Variants in DROSHA observed in about 807,000 individuals in gnomAD.
DROSHA encodes ribonuclease 3.
Under a neutral mutation model 181.9 loss-of-function variants are expected in DROSHA, and 56 were observed. The ratio of observed to expected loss-of-function variants is 0.31; its 90% CI spans 0.25 to 0.38. The LOEUF is 0.38. Ranked by LOEUF, DROSHA falls within the 10% of genes least tolerant of loss-of-function variation. The pLI is 1.00. For synonymous variants in DROSHA, 524 were observed against 591.2 expected, an observed-to-expected ratio of 0.89 and a Z score of 1.65; for missense variants, 1,218 against 1,743.5, an observed-to-expected ratio of 0.70 and a Z score of 5.37.
At chr5:31,509,545 A>G (rs1738415007) in intron 9 of DROSHA, among the ~76,000 whole-genome samples, 1 of 152,210 alleles carries the variant, frequency 6.6e-6, no homozygotes, top group Admixed American at 6.5e-5. Context: ...AAGAGGGAGC[A>G]TCGTAGGCAA....
At chr5:31,485,519 T>A (rs865961271) in intron 14 of DROSHA, among the ~76,000 whole-genome samples, 7 of 152,098 alleles carry the variant, frequency 4.6e-5, no homozygotes, top group Middle Eastern at 3.4e-3. Flanking sequence ...TCATAATTCT[T>A]CCTCCTACTT....
At chr5:31,505,480 A>G (rs1443646123) in intron 10 of DROSHA, among the ~76,000 whole-genome samples, 1 of 152,206 alleles carries the variant, frequency 6.6e-6, no homozygotes, top group Non-Finnish European at 1.5e-5. Flanking sequence ...CTGGGCCACA[A>G]GACCCGTCTA....
At chr5:31,415,910 G>C (rs1441697707) in intron 30 of DROSHA, among the ~76,000 whole-genome samples, 1 of 152,142 alleles carries the variant, frequency 6.6e-6, no homozygotes. Flanking sequence ...AAAAACTTCA[G>C]CATATGAAAC....
At chr5:31,481,285 T>TAAAAAC (rs1263142921) in intron 16 of DROSHA, among the ~76,000 whole-genome samples, 7 of 152,216 alleles carry the variant, frequency 4.6e-5, no homozygotes, top group Admixed American at 4.6e-4. Flanking sequence ...AAACCCTGTT[T>TAAAAAC]AAAAACAAAT....
intron 26 of DROSHA, 74 bp downstream of exon 26, chr5:31,431,502 C>T: frequency 6.7e-7 from 1 of 1,486,046 alleles, no homozygotes; most frequent in South Asian, 1.2e-5. Flanking sequence ...CAAGTTTCCA[C>T]ACTAAATTTT....
chr5:31,516,662 A>G (rs1739306682), intron 6 of DROSHA, among the ~76,000 whole-genome samples: 1 of 152,222 alleles, frequency 6.6e-6, no homozygotes, highest in African/African-American at 2.4e-5. Flanking sequence ...GCACAAACAT[A>G]AAAACCACAC....
intron 15 of DROSHA, among the ~76,000 whole-genome samples, chr5:31,484,005 A>T (rs1188197212): frequency 6.6e-6 from 1 of 152,202 alleles, no homozygotes; most frequent in Non-Finnish European, 1.5e-5. Context: ...TACACTAAAA[A>T]AAAAATGTTG....
chr5:31,507,458 CAAA>C (rs74582937), intron 10 of DROSHA, among the ~76,000 whole-genome samples: 1 of 122,816 alleles, frequency 8.1e-6, no homozygotes. Context: ...AACTCTGTCT[CAAA>C]AAAAAAAAAA....
At chr5:31,406,115 C>T (rs188174003) in intron 34 of DROSHA, among the ~76,000 whole-genome samples, 1 of 152,160 alleles carries the variant, frequency 6.6e-6, no homozygotes, top group East Asian at 1.9e-4. Flanking sequence ...GTTTAAGATA[C>T]AGACTGGAGA....
At position 31,510,794 on chromosome 5, in the gene DROSHA, G is replaced by C. The variant is rs534701681; in HGVS notation, c.1432+241C>G. 1.4e-3 allele frequency among the ~76,000 whole-genome samples: 219 copies of C among 152,282 alleles called. 5 individuals carry two copies. The highest frequency in any genetic ancestry group is 4.9e-3 in the African/African-American group (202 of 41,558). On this transcript the variant is annotated intron_variant, in intron 9 of 35. Transcript: ENST00000344624. ...TCTTCTGACTGGACAACTCTCCAAGGGGCACCCTTGTTAGCATGCCTTGCA... is the reference window on the plus strand; with the variant it reads ...TCTTCTGACTGGACAACTCTCCAAGCGGCACCCTTGTTAGCATGCCTTGCA...
Position 31,418,675 on chromosome 5 carries a change from T to C in DROSHA, c.3525+2597A>G, listed in dbSNP as rs1030207917. Among the ~76,000 whole-genome samples, 5 of 152,006 alleles carry C rather than the reference T, an allele frequency of 3.3e-5. No homozygotes were observed. In the South Asian group the frequency reaches 8.3e-4, roughly 25 times the overall value. On this transcript the variant is annotated intron_variant, in intron 30 of 35. Coordinates refer to ENST00000344624, the MANE Select transcript of DROSHA (RefSeq NM_001382508.1). ...AGAAAAAAGCTCATAAGGAAGAGGA[T>C]AAATTCAAGAAATACTTGAGGAATA...
Position 31,464,325 on chromosome 5 carries a change from G to A in DROSHA, c.2485C>T (p.Arg829Trp), listed in dbSNP as rs771607570. 5.6e-6 allele frequency: 9 copies of A among 1,612,686 alleles called. No individual in the cohort carries two copies. The highest frequency in any genetic ancestry group is 2.2e-5 in the East Asian group (1 of 44,854). ...AQREEALQKI[R>W]QKNTMRREVT... The stretch of plus-strand genomic sequence containing the variant: ...TCTCGTCTCATTGTATTCTTCTGCC[G>A]TATTTTTTGGAGGGCTTCCTAGAAA... Residue 829 changes from arginine to tryptophan, a missense_variant, in exon 20 of 36, where the codon CGG becomes TGG. Transcript: ENST00000344624.
In DROSHA at chr5:31,483,680, A is replaced by G. The variant is rs539420681; in HGVS notation, c.1997-52T>C. ...AAAAAAAAGAAAACTCAGTCTTAAA[A>G]AACAAGCACTGCAACTTAATTTCTA... is the stretch of plus-strand genomic sequence containing the variant. On this transcript the variant is annotated intron_variant, in intron 15 of 35. Coordinates refer to ENST00000344624, the MANE Select transcript of DROSHA (RefSeq NM_001382508.1). The G allele has an allele frequency of 5.3e-6, 8 of 1,507,220 alleles. No homozygotes were observed. The Admixed American group carries it at 1.8e-4, about 33-fold the overall frequency. The allele number at this position is 1,507,220 out of a possible 1,614,324, so 93.4% of individuals were successfully genotyped here.
Position 31,515,064 on chromosome 5 carries a change from T to G in DROSHA, c.1214A>C (p.Glu405Ala), listed in dbSNP as rs1416920568. The G allele has an allele frequency of 6.2e-7, 1 of 1,613,996 alleles. No individual in the cohort carries two copies. Among genetic ancestry groups the G allele is most frequent in the Admixed American group, 1.7e-5 (1 of 60,014 alleles). The change falls in exon 8 of 36, where the codon GAA (glutamate) becomes GCA (alanine). Residue 405 changes from glutamate to alanine, a missense_variant. Glu to Ala is a moderately radical substitution (Grantham distance 107, BLOSUM62 -1). Around this residue, in one of 8 missense-constraint regions of DROSHA, gnomAD observed 536 missense variants for 535.4 expected, o/e 1.00. Transcript: ENST00000344624. ...TMPDKNEEEE[E>A]ELLKPVWIRC... is the part of the protein sequence containing the mutation. The stretch of plus-strand genomic sequence containing the variant: ...AATCCACACAGGCTTAAGAAGTTCT[T>G]CTTCTTCCTCCTCATTCTTGTCAGG...
intron 11 of DROSHA, among the ~76,000 whole-genome samples, chr5:31,496,169 G>T (rs1023432594): frequency 6.6e-6 from 1 of 152,188 alleles, no homozygotes; most frequent in Non-Finnish European, 1.5e-5. Context: ...AGGCACAGTG[G>T]TTCATGCCTG....
intron 25 of DROSHA, among the ~76,000 whole-genome samples, chr5:31,435,317 AGG>A (rs1161316596): frequency 7.2e-5 from 11 of 152,234 alleles, no homozygotes; most frequent in Non-Finnish European, 8.8e-5. Flanking sequence ...GGATTCTCAA[AGG>A]TGTAGAAAGT....
rs1275027287 is a variant in DROSHA, at chr5:31,401,443, T to C, written c.4114A>G (p.Ile1372Val). ...TTGCATGCCCTCCTTTATTTCTTGA[T>C]GTCTTCAGTCTCATCTGGCTCTCTC... ...QEREPDETED[I>V]KK The change falls in exon 36 of 36, where the codon ATC becomes GTC. Residue 1372 changes from isoleucine to valine, a missense_variant. Ile to Val is a conservative substitution (Grantham distance 29). This residue lies in a region of DROSHA where 32 missense variants were observed against 29.2 expected (regional missense o/e 1.09). Coordinates refer to ENST00000344624, the MANE Select transcript of DROSHA (RefSeq NM_001382508.1). 7 of 1,612,986 alleles carry C rather than the reference T, an allele frequency of 4.3e-6. No individual in the cohort carries two copies. Among genetic ancestry groups the C allele is most frequent in the African/African-American group, 4.0e-5 (3 of 74,898 alleles).
At chr5:31,518,594 TC>T (rs1739525785) in intron 6 of DROSHA, among the ~76,000 whole-genome samples, 1 of 152,202 alleles carries the variant, frequency 6.6e-6, no homozygotes, top group South Asian at 2.1e-4. Flanking sequence ...TCCTAGGGAC[TC>T]TTTTTGGTTT....
At chr5:31,487,297 A>T in intron 13 of DROSHA, among the ~76,000 whole-genome samples, 1 of 152,212 alleles carries the variant, frequency 6.6e-6, no homozygotes, top group South Asian at 2.1e-4. Context: ...TAGCCACTAG[A>T]GTATACCCCT....
Sources: allele counts gnomAD v4.1 joint callset (sites outside exome capture counted in the v4.1 genomes callset), GRCh38; gene constraint gnomAD v4.1.1; regional missense constraint gnomAD v4.1.1; transcripts MANE v1.5; gene names NCBI Gene and HGNC (gene_info 2026-07-23, HGNC 2026-07-21).